Variants in COPB1 observed in about 807,000 individuals in gnomAD.
The protein encoded by COPB1 is coat protein complex I subunit beta 1.
A neutral mutation model predicts 108.7 loss-of-function variants in COPB1; 21 were observed. The observed-to-expected ratio is 0.19, with a 90% CI of 0.14 to 0.28. The LOEUF (loss-of-function observed/expected upper bound fraction) is 0.28. Ranked by LOEUF, COPB1 falls within the 10% of genes least tolerant of loss-of-function variation. The probability of loss-of-function intolerance (pLI) is 1.00; values close to 1 mark genes in which losing one functional copy is unlikely to be tolerated. For missense variants in COPB1, 919 were observed against 1,141.3 expected (o/e 0.81, Z 2.81); for synonymous variants, 378 against 386.8 (o/e 0.98, Z 0.27).
At chr11:14,477,131 C>T in intron 11 of COPB1, 116 bp from the exon 12 acceptor site, 2 of 721,044 alleles carry the variant, frequency 2.8e-6, no homozygotes, top group East Asian at 2.7e-5. Flanking sequence ...CGCCTGTAAT[C>T]CCAGCACTTT....
At chr11:14,493,453 C>T (rs190000099) in intron 4 of COPB1, among the ~76,000 whole-genome samples, 189 bp downstream of exon 4, 1 of 152,140 alleles carries the variant, frequency 6.6e-6, no homozygotes, top group Non-Finnish European at 1.5e-5. Flanking sequence ...AGAATGTTGT[C>T]TTGTGGAAGC....
At chr11:14,463,981 C>T (rs528526443) in intron 18 of COPB1, among the ~76,000 whole-genome samples, 22 of 152,224 alleles carry the variant, frequency 1.4e-4, no homozygotes, top group Admixed American at 3.9e-4. Context: ...ATAGTACTGT[C>T]GCAAAAAGAT....
chr11:14,483,102 T>C lies in COPB1; in HGVS notation c.887A>G (p.Asn296Ser). The change falls in exon 8 of 22, where the codon AAT (asparagine) becomes AGT (serine). Residue 296 changes from asparagine to serine, a missense_variant. By Grantham distance (46) the Asn-to-Ser change is conservative. Around this residue, in one of 5 missense-constraint regions of COPB1, gnomAD observed 705 missense variants for 817.8 expected, o/e 0.86. Coordinates refer to ENST00000439561, the MANE Select transcript of COPB1 (RefSeq NM_001144061.2). ...IDLIIKESDN[N>S]VKLIVLDRLI... Reference sequence around the variant, plus strand: ...GCGATCCAAAACTATGAGTTTTACATTGTTGTCGCTCTCCTTAATAATTAA... The same window carrying C: ...GCGATCCAAAACTATGAGTTTTACACTGTTGTCGCTCTCCTTAATAATTAA... 1.3e-6 allele frequency: 2 copies of C among 1,592,648 alleles called. No homozygotes were observed. Among genetic ancestry groups the C allele is most frequent in the Non-Finnish European group, 8.6e-7 (1 of 1,163,110 alleles).
At chr11:14,471,490 GAATA>G (rs770739893) in intron 14 of COPB1, among the ~76,000 whole-genome samples, 2 of 152,014 alleles carry the variant, frequency 1.3e-5, no homozygotes, top group South Asian at 2.1e-4. Context: ...GACCAGACCT[GAATA>G]AATAAATGCC....
chr11:14,499,089 T>C (rs1851092483), intron 1 of COPB1, 104 bp from the exon 2 acceptor site: 1 of 566,090 alleles, frequency 1.8e-6, no homozygotes, highest in African/African-American at 2.0e-5. Flanking sequence ...CAGGTCAATC[T>C]ATATCGTGTT....
rs538948337 is a variant in COPB1, at chr11:14,479,721, GAA to G, written c.1213-9_1213-8del. On this transcript the variant is annotated splice_region_variant and splice_polypyrimidine_tract_variant and intron_variant, in intron 10 of 21. Coordinates refer to ENST00000439561, the MANE Select transcript of COPB1 (RefSeq NM_001144061.2). ...CACTGAGAAATTCCATTAACTAAAAGAAAAAAAAAAAAAAGAAAATGGAACTA... is the reference window on the plus strand; with the variant it reads ...CACTGAGAAATTCCATTAACTAAAAGAAAAAAAAAAAAGAAAATGGAACTA... The G allele has an allele frequency of 1.8e-3, 2,096 of 1,154,292 alleles. No homozygotes were observed. Among genetic ancestry groups the G allele is most frequent in the South Asian group, 4.5e-3 (260 of 57,918 alleles). 71.5% of individuals were successfully genotyped at this position (1,154,292 alleles called of 1,614,324 possible).
intron 21 of COPB1, among the ~76,000 whole-genome samples, chr11:14,458,226 G>A (rs1288338995): frequency 2.6e-5 from 4 of 151,472 alleles, no homozygotes; most frequent in South Asian, 4.2e-4. Flanking sequence ...ATTACCGGGT[G>A]TGCGCTACAA....
At chr11:14,471,251 T>C (rs1191325077) in intron 14 of COPB1, among the ~76,000 whole-genome samples, 2 of 152,178 alleles carry the variant, frequency 1.3e-5, no homozygotes, top group Non-Finnish European at 1.5e-5. Context: ...GGAAATGGCA[T>C]AAATGAAGGA....
At chr11:14,483,563 G>A (rs1850707946) in intron 7 of COPB1, among the ~76,000 whole-genome samples, 1 of 152,120 alleles carries the variant, frequency 6.6e-6, no homozygotes, top group African/African-American at 2.4e-5. Context: ...CTGCATTGCA[G>A]TACACAAACA....
At chr11:14,482,997 T>C in intron 8 of COPB1, 35 bp downstream of exon 8, 1 of 1,499,208 alleles carries the variant, frequency 6.7e-7, no homozygotes, top group South Asian at 1.3e-5. Context: ...GAAAAACATT[T>C]TATTTAGGAT....
chr11:14,477,129 A>G, intron 11 of COPB1, 114 bp from the exon 12 acceptor site: 1 of 725,174 alleles, frequency 1.4e-6, no homozygotes, highest in East Asian at 2.7e-5. Flanking sequence ...CACGCCTGTA[A>G]TCCCAGCACT....
intron 2 of COPB1, 83 bp from the exon 3 acceptor site, chr11:14,494,522 T>A (rs1483737780): frequency 1.3e-6 from 1 of 790,212 alleles, no homozygotes; most frequent in African/African-American, 1.8e-5. Flanking sequence ...ATTAACAAAA[T>A]AAAATGTACC....
chr11:14,490,983 GT>G (rs1850886541), intron 4 of COPB1, among the ~76,000 whole-genome samples: 1 of 151,928 alleles, frequency 6.6e-6, no homozygotes, highest in Non-Finnish European at 1.5e-5. Flanking sequence ...TAGGGATGGG[GT>G]TTCACCATGT....
At chr11:14,483,220 C>T (rs955356175) in intron 7 of COPB1, 69 bp from the exon 8 acceptor site, 104 of 1,023,896 alleles carry the variant, frequency 1.0e-4, no homozygotes, top group Non-Finnish European at 1.2e-4. Flanking sequence ...TAAGCATGCG[C>T]GCGCACACCA....
chr11:14,483,599 T>G (rs1396072198), intron 7 of COPB1, among the ~76,000 whole-genome samples: 1 of 151,924 alleles, frequency 6.6e-6, no homozygotes, highest in African/African-American at 2.4e-5. Flanking sequence ...TCACCCAGAG[T>G]TGTTAAAATA....
In COPB1 at chr11:14,468,736, A is replaced by G; in HGVS notation, c.2090T>C (p.Met697Thr). ...DQFQLSLLAA[M>T]GNTQRKEAAD... ...TGCCTCTTTCCTCTGTGTGTTACCC[A>G]TTGCTGCCAGTAAACTCAGCTGAAA... Residue 697 changes from methionine to threonine, a missense_variant, in exon 16 of 22, where the codon ATG (methionine) becomes ACG (threonine). By Grantham distance (81) the Met-to-Thr change is moderately conservative. Transcript: ENST00000439561. The G allele has an allele frequency of 6.2e-7, 1 of 1,614,114 alleles. No individual in the cohort carries two copies. The highest frequency in any genetic ancestry group is 8.5e-7 in the Non-Finnish European group (1 of 1,180,010).
chr11:14,471,601 T>C (rs1394470143), intron 14 of COPB1, among the ~76,000 whole-genome samples: 2 of 152,188 alleles, frequency 1.3e-5, no homozygotes, highest in African/African-American at 4.8e-5. Flanking sequence ...ATGGCTTTTC[T>C]TATAATGGAA....
At chr11:14,480,730 T>G (rs752166178) in intron 10 of COPB1, 29 bp downstream of exon 10, 2 of 1,581,552 alleles carry the variant, frequency 1.3e-6, no homozygotes, top group Non-Finnish European at 1.7e-6. Context: ...TTAGATAATT[T>G]CAAAATTAAA....
intron 3 of COPB1, among the ~76,000 whole-genome samples, 186 bp downstream of exon 3, chr11:14,494,024 T>C (rs769904867): frequency 7.2e-5 from 11 of 152,298 alleles, no homozygotes; most frequent in Middle Eastern, 6.8e-3. Context: ...TATATACACA[T>C]AAAATGCATA....
Sources: gnomAD v4.1 joint callset for allele counts (sites outside exome capture counted in the v4.1 genomes callset) on GRCh38, gnomAD v4.1.1 for gene constraint, gnomAD v4.1.1 regional missense constraint, MANE v1.5 for transcripts, NCBI Gene and HGNC (gene_info 2026-07-23, HGNC 2026-07-21) for gene names.